ADAMTS12: variants seen among roughly 807,000 people sequenced by gnomAD.
ADAMTS12 encodes the protein A disintegrin and metalloproteinase with thrombospondin motifs 12.
A neutral mutation model predicts 167.8 loss-of-function variants in ADAMTS12; 118 were observed. The ratio of observed to expected loss-of-function variants is 0.70; its 90% CI spans 0.61 to 0.82. The LOEUF (loss-of-function observed/expected upper bound fraction) is 0.82. Ranked by LOEUF, ADAMTS12 falls within the 40% of genes least tolerant of loss-of-function variation. ADAMTS12 has a pLI of 0.00. For synonymous variants in ADAMTS12, 704 were observed against 716.9 expected (o/e 0.98, Z 0.29); for missense variants, 1,916 against 1,998.8 (o/e 0.96, Z 0.79).
chr5:33,823,009 G>A (rs928199862), intron 2 of ADAMTS12, among the ~76,000 whole-genome samples: 2 of 151,394 alleles, frequency 1.3e-5, no homozygotes, highest in East Asian at 3.9e-4. Flanking sequence ...GAGGATCCTT[G>A]GAGCCCGGCA....
intron 2 of ADAMTS12, among the ~76,000 whole-genome samples, chr5:33,798,198 T>C (rs1746850348): frequency 6.6e-6 from 1 of 152,154 alleles, no homozygotes; most frequent in African/African-American, 2.4e-5. Flanking sequence ...ATTTTTTTTT[T>C]TTAATTTCCA....
chr5:33,772,412 G>A (rs1745771340), intron 2 of ADAMTS12, among the ~76,000 whole-genome samples: 1 of 152,022 alleles, frequency 6.6e-6, no homozygotes, highest in Admixed American at 6.6e-5. Flanking sequence ...TTCTACCAGT[G>A]GGTCCAACTG....
chr5:33,617,559 C>T (rs944571121), intron 14 of ADAMTS12, among the ~76,000 whole-genome samples: 4 of 152,250 alleles, frequency 2.6e-5, no homozygotes, highest in South Asian at 2.1e-4. Context: ...TTGCCTAGAA[C>T]AGCTGATTAA....
chr5:33,854,360 G>A (rs548240576), intron 2 of ADAMTS12, among the ~76,000 whole-genome samples: 1 of 152,280 alleles, frequency 6.6e-6, no homozygotes, highest in Admixed American at 6.5e-5. Flanking sequence ...TTTATGTAAT[G>A]AAAACAGAGA....
intron 23 of ADAMTS12, among the ~76,000 whole-genome samples, chr5:33,528,202 A>G (rs1393764721): frequency 1.3e-5 from 2 of 152,182 alleles, no homozygotes; most frequent in Non-Finnish European, 2.9e-5. Context: ...GTTCTCATTT[A>G]TAAGTGGGAG....
intron 16 of ADAMTS12, among the ~76,000 whole-genome samples, chr5:33,610,443 C>T (rs1021306990): frequency 2.0e-5 from 3 of 152,092 alleles, no homozygotes; most frequent in Admixed American, 2.0e-4. Context: ...CCTTGAACTA[C>T]CTCGAGCAGG....
chr5:33,840,707 C>T (rs1444506048), intron 2 of ADAMTS12, among the ~76,000 whole-genome samples: 1 of 152,238 alleles, frequency 6.6e-6, no homozygotes, highest in African/African-American at 2.4e-5. Flanking sequence ...GCCTTACTTA[C>T]TGCAGCCCTT....
chr5:33,859,777 T>C (rs1254461110), intron 2 of ADAMTS12, among the ~76,000 whole-genome samples: 1 of 152,094 alleles, frequency 6.6e-6, no homozygotes, highest in African/African-American at 2.4e-5. Context: ...TGGCATCTCG[T>C]GGGTGCCCCT....
chr5:33,759,483 A>G (rs1745274815), intron 2 of ADAMTS12, among the ~76,000 whole-genome samples: 1 of 152,156 alleles, frequency 6.6e-6, no homozygotes, highest in Non-Finnish European at 1.5e-5. Context: ...CCATGACAAA[A>G]TGGTTTTTGC....
At chr5:33,696,377 C>A (rs1406805149) in intron 3 of ADAMTS12, among the ~76,000 whole-genome samples, 1 of 149,256 alleles carries the variant, frequency 6.7e-6, no homozygotes, top group Non-Finnish European at 1.5e-5. Flanking sequence ...GCCGAGATCG[C>A]GCCACTGCAC....
chr5:33,558,395 T>C (rs1745580744), intron 20 of ADAMTS12, among the ~76,000 whole-genome samples: 1 of 152,210 alleles, frequency 6.6e-6, no homozygotes, highest in Non-Finnish European at 1.5e-5. Context: ...ATTTTAGATA[T>C]AGTAGTTACC....
chr5:33,692,478 CT>C (rs1336928638), intron 3 of ADAMTS12, among the ~76,000 whole-genome samples: 1 of 151,900 alleles, frequency 6.6e-6, no homozygotes, highest in African/African-American at 2.4e-5. Flanking sequence ...GCTGTTTTGT[CT>C]GTTTTGCTCA....
At position 33,576,413 on chromosome 5, in the gene ADAMTS12, T is replaced by C. The variant is rs1306983763; in HGVS notation, c.3613A>G (p.Ser1205Gly). ...AAGGGTGGCCACCAGGACTCCCTGC[T>C]GAGATCTGGTGTTAGTGGAGGTGCA... is the stretch of plus-strand genomic sequence containing the variant. The part of the protein sequence containing the change: ...PLAPPLTPDL[S>G]RESWWPPFST... The change falls in exon 19 of 24, where the codon AGC becomes GGC. Residue 1205 changes from serine to glycine, a missense_variant. Coordinates refer to ENST00000504830, the MANE Select transcript of ADAMTS12 (RefSeq NM_030955.4). 2 of 1,611,228 alleles carry C rather than the reference T, an allele frequency of 1.2e-6. No individual in the cohort carries two copies. Among genetic ancestry groups the C allele is most frequent in the East Asian group, 4.5e-5 (2 of 44,852 alleles).
rs202172772 is a variant in ADAMTS12, at chr5:33,549,304, G to A, written c.4205C>T (p.Pro1402Leu). The A allele has an allele frequency of 1.9e-6, 3 of 1,614,198 alleles. No homozygotes were observed. Among genetic ancestry groups the A allele is most frequent in the African/African-American group, 2.7e-5 (2 of 75,048 alleles). Residue 1402 changes from proline (P) to leucine (L), a missense_variant, in exon 21 of 24, where the codon CCA becomes CTA. Physicochemically the swap from Pro to Leu is moderately conservative, Grantham distance 98. Transcript: ENST00000504830. ...GCCGGCCAGGAACTGGCAGTGAAATGGCCTCAGGTTCCGGTGGTCCCGGCT... is the reference window on the plus strand; with the variant it reads ...GCCGGCCAGGAACTGGCAGTGAAATAGCCTCAGGTTCCGGTGGTCCCGGCT... Reference protein sequence around the residue: ...VDSRDHRNLRPFHCQFLAGIP... With the variant: ...VDSRDHRNLRLFHCQFLAGIP...
At chr5:33,549,450 C>G in intron 20 of ADAMTS12, 67 bp from the exon 21 acceptor site, 1 of 1,556,950 alleles carries the variant, frequency 6.4e-7, no homozygotes, top group South Asian at 1.2e-5. Context: ...TCCTTCCCCT[C>G]AGCCGTGGAG....
intron 12 of ADAMTS12, among the ~76,000 whole-genome samples, chr5:33,634,244 C>G (rs1199015571): frequency 1.3e-5 from 2 of 152,132 alleles, no homozygotes; most frequent in African/African-American, 4.8e-5. Context: ...TTTCTAAAAT[C>G]CATTCACAGG....
At chr5:33,796,836 A>G (rs1170720586) in intron 2 of ADAMTS12, among the ~76,000 whole-genome samples, 2 of 152,184 alleles carry the variant, frequency 1.3e-5, no homozygotes, top group African/African-American at 2.4e-5. Context: ...CACCCTCATC[A>G]TCATTTGATT....
At chr5:33,796,164 G>A (rs1485088827) in intron 2 of ADAMTS12, among the ~76,000 whole-genome samples, 1 of 152,180 alleles carries the variant, frequency 6.6e-6, no homozygotes, top group Non-Finnish European at 1.5e-5. Flanking sequence ...ATGCAGGACT[G>A]CCACTGCCAT....
At position 33,649,629 on chromosome 5, in the gene ADAMTS12, G is replaced by A; in HGVS notation, c.1259C>T (p.Ser420Phe). Residue 420 changes from serine to phenylalanine, a missense_variant, in exon 8 of 24, where the codon TCC (serine) becomes TTC (phenylalanine). By Grantham distance (155) the Ser-to-Phe change is radical. Coordinates refer to ENST00000504830, the MANE Select transcript of ADAMTS12 (RefSeq NM_030955.4). ...EPVGRHPYIM[S>F]RQLQYDPTPL... Reference sequence around the variant, plus strand: ...AGTGGGATCGTACTGGAGCTGGCGGGACATGATGTACGGATGTCTGCCCAC... The same window carrying A: ...AGTGGGATCGTACTGGAGCTGGCGGAACATGATGTACGGATGTCTGCCCAC... 1 of 1,614,086 alleles carries A rather than the reference G, an allele frequency of 6.2e-7. No individual in the cohort carries two copies. The highest frequency in any genetic ancestry group is 1.7e-5 in the Admixed American group (1 of 60,024).
Sources: allele counts gnomAD v4.1 joint callset (sites outside exome capture counted in the v4.1 genomes callset), GRCh38; gene constraint gnomAD v4.1.1; transcripts MANE v1.5; gene names NCBI Gene and HGNC (gene_info 2026-07-23, HGNC 2026-07-21).